The following CCDC126 variants were observed in gnomAD, a reference collection of about 807,000 sequenced individuals.
CCDC126 encodes coiled-coil domain-containing protein 126.
Under a neutral mutation model 11.7 loss-of-function variants are expected in CCDC126, and 5 were observed. The ratio of observed to expected loss-of-function variants is 0.43; its 90% CI spans 0.22 to 0.90. The LOEUF is 0.90. Among genes scored for constraint, CCDC126 ranks in the 40% least tolerant of loss-of-function variants. The probability of loss-of-function intolerance (pLI) is 0.27; values close to 1 mark genes in which losing one functional copy is unlikely to be tolerated. For missense variants in CCDC126, 150 were observed against 163.1 expected (o/e 0.92, Z 0.44); for synonymous variants, 60 against 61.9 (o/e 0.97, Z 0.14).
rs112602469 is a variant in CCDC126, at chr7:23,621,899, G to A, written c.238+10346G>A. Among the ~76,000 whole-genome samples, 26 of 152,286 alleles carry A rather than the reference G, an allele frequency of 1.7e-4. 2 individuals are homozygous for A. Among genetic ancestry groups the A allele is most frequent in the African/African-American group, 4.3e-4 (18 of 41,556 alleles). ...GGATTATGTTCATTGATTTGTGTATGTTGAACCAGGCTTGCATCCCAGGGA... is the reference window on the plus strand; with the variant it reads ...GGATTATGTTCATTGATTTGTGTATATTGAACCAGGCTTGCATCCCAGGGA... On this transcript the variant is annotated intron_variant, in intron 3 of 3. Coordinates refer to ENST00000307471, the MANE Select transcript of CCDC126 (RefSeq NM_138771.4).
chr7:23,616,208 T>G (rs1782792452), intron 3 of CCDC126, among the ~76,000 whole-genome samples: 1 of 152,208 alleles, frequency 6.6e-6, no homozygotes, highest in African/African-American at 2.4e-5. Context: ...TCAGACACAT[T>G]AGGTATTTTA....
At chr7:23,634,434 G>A (rs764997938) in intron 3 of CCDC126, among the ~76,000 whole-genome samples, 6 of 152,302 alleles carry the variant, frequency 3.9e-5, no homozygotes, top group East Asian at 1.9e-4. Flanking sequence ...CAGCCTGGGC[G>A]ATAGAGCAAG....
intron 3 of CCDC126, among the ~76,000 whole-genome samples, chr7:23,618,615 A>G (rs1387447912): frequency 2.0e-5 from 3 of 147,422 alleles, no homozygotes; most frequent in South Asian, 2.1e-4. Context: ...CAGTGGTGCA[A>G]TCTTGGCTCA....
intron 3 of CCDC126, among the ~76,000 whole-genome samples, chr7:23,635,712 T>C (rs1783196821): frequency 6.6e-6 from 1 of 152,216 alleles, no homozygotes. Flanking sequence ...TATAGTTGTT[T>C]CTCATTTATC....
intron 3 of CCDC126, among the ~76,000 whole-genome samples, chr7:23,631,826 GC>G (rs1469579268): frequency 6.6e-6 from 1 of 151,732 alleles, no homozygotes; most frequent in Non-Finnish European, 1.5e-5. Flanking sequence ...AAATCTGTAG[GC>G]CCAGATGGTT....
intron 3 of CCDC126, among the ~76,000 whole-genome samples, chr7:23,617,896 T>G (rs1243632969): frequency 6.6e-6 from 1 of 152,204 alleles, no homozygotes; most frequent in African/African-American, 2.4e-5. Flanking sequence ...GAGATCTAAC[T>G]AAGGGACATG....
chr7:23,612,317 C>T (rs1782726261), intron 3 of CCDC126, among the ~76,000 whole-genome samples: 1 of 150,062 alleles, frequency 6.7e-6, no homozygotes, highest in Non-Finnish European at 1.5e-5. Flanking sequence ...AACAAAAAAT[C>T]AGCTGGGCGT....
At chr7:23,617,844 C>G (rs182335488) in intron 3 of CCDC126, among the ~76,000 whole-genome samples, 241 of 152,274 alleles carry the variant, frequency 1.6e-3, no homozygotes, top group South Asian at 2.5e-3. Context: ...ACTTTATTTT[C>G]AATCTGTAAT....
Position 23,638,405 on chromosome 7 carries a change from T to C in CCDC126, c.239-4526T>C, listed in dbSNP as rs575358464. On this transcript the variant is annotated intron_variant, in intron 3 of 3. Coordinates refer to ENST00000307471, the MANE Select transcript of CCDC126 (RefSeq NM_138771.4). Reference sequence around the variant, plus strand: ...CTTCTGCCTTGGGATCCTGTTGATCTGTGACCTTATCTCCAACCCTGTGCT... The same window carrying C: ...CTTCTGCCTTGGGATCCTGTTGATCCGTGACCTTATCTCCAACCCTGTGCT... 4.2e-4 allele frequency among the ~76,000 whole-genome samples: 36 copies of C among 84,972 alleles called. No individual in the cohort carries two copies. In the East Asian group the frequency reaches 9.5e-3, roughly 22 times the overall value. The allele number at this position is 84,972 out of a possible 152,430, so 55.7% of individuals were successfully genotyped here.
chr7:23,619,389 C>G, intron 3 of CCDC126: 1 of 402,398 alleles, frequency 2.5e-6, no homozygotes, highest in Non-Finnish European at 4.9e-6. Context: ...TGCTTAAACT[C>G]AGAGATCAGA....
At position 23,631,233 on chromosome 7, in the gene CCDC126, CA is replaced by C. The variant is rs796669606; in HGVS notation, c.239-11690del. The stretch of plus-strand genomic sequence containing the variant: ...CAAAGAACTTGTCCTTTAATAGGGT[CA>C]AAAAAAAGGGACAAACTTATGATAA... On this transcript the variant is annotated intron_variant, in intron 3 of 3. Coordinates refer to ENST00000307471, the MANE Select transcript of CCDC126 (RefSeq NM_138771.4). Among the ~76,000 whole-genome samples the C allele has an allele frequency of 1.3e-3, 195 of 148,720 alleles. 2 individuals carry two copies. Among genetic ancestry groups the C allele is most frequent in the African/African-American group, 4.6e-3 (187 of 40,456 alleles).
chr7:23,610,994 T>C (rs527735077), intron 2 of CCDC126, among the ~76,000 whole-genome samples, 177 bp from the exon 3 acceptor site: 1 of 152,320 alleles, frequency 6.6e-6, no homozygotes, highest in South Asian at 2.1e-4. Context: ...GTTTAAACTT[T>C]GAAAAGATAC....
At chr7:23,629,852 C>CT (rs151062167) in intron 3 of CCDC126, among the ~76,000 whole-genome samples, 1,669 of 152,108 alleles carry the variant, frequency 0.011, 35 homozygotes, top group African/African-American at 0.039. Flanking sequence ...AACTAAAAAT[C>CT]TAACATTTGT....
intron 3 of CCDC126, among the ~76,000 whole-genome samples, chr7:23,624,450 A>G (rs1763733966): frequency 6.6e-6 from 1 of 152,188 alleles, no homozygotes; most frequent in African/African-American, 2.4e-5. Context: ...GCCAGATATT[A>G]TAGAAATAGA....
intron 3 of CCDC126, among the ~76,000 whole-genome samples, chr7:23,636,743 G>A (rs974190478): frequency 6.8e-6 from 1 of 148,038 alleles, no homozygotes; most frequent in Non-Finnish European, 1.5e-5. Flanking sequence ...GTCTCCGCCC[G>A]GCAGCCACCC....
At chr7:23,617,662 A>T (rs182319302) in intron 3 of CCDC126, among the ~76,000 whole-genome samples, 3 of 152,236 alleles carry the variant, frequency 2.0e-5, no homozygotes, top group African/African-American at 7.2e-5. Context: ...AGTGCTCCAC[A>T]AGACTGCCCT....
In CCDC126 at chr7:23,635,077, A is replaced by C. The variant is rs1482576527; in HGVS notation, c.239-7854A>C. ...TTTTATGTGATTCTTTTCCCTTCTT[A>C]AACTATTTGATCTTCTCCCAGAATA... On this transcript the variant is annotated intron_variant, in intron 3 of 3. Transcript: ENST00000307471. Among the ~76,000 whole-genome samples, 5 of 152,154 alleles carry C rather than the reference A, an allele frequency of 3.3e-5. No individual in the cohort carries two copies. The East Asian group carries it at 9.6e-4, about 29-fold the overall frequency.
At chr7:23,639,626 T>A (rs1232818469) in intron 3 of CCDC126, among the ~76,000 whole-genome samples, 1 of 152,238 alleles carries the variant, frequency 6.6e-6, no homozygotes, top group Non-Finnish European at 1.5e-5. Flanking sequence ...GTTTTTCTTG[T>A]ATATTCCCTT....
intron 3 of CCDC126, among the ~76,000 whole-genome samples, chr7:23,642,050 C>T (rs947735649): frequency 1.3e-5 from 2 of 152,142 alleles, no homozygotes; most frequent in Non-Finnish European, 2.9e-5. Context: ...CTTGCTCTGT[C>T]GCCCAGGCTG....
Sources: allele counts gnomAD v4.1 joint callset (sites outside exome capture counted in the v4.1 genomes callset), GRCh38; gene constraint gnomAD v4.1.1; transcripts MANE v1.5; gene names NCBI Gene and HGNC (gene_info 2026-07-23, HGNC 2026-07-21).